Variants in NRG1 observed in about 807,000 individuals in gnomAD.
NRG1 encodes neuregulin 1.
In NRG1, 18 loss-of-function variants were observed where a neutral mutation model predicts 63.8. The ratio of observed to expected loss-of-function variants is 0.28; its 90% CI spans 0.19 to 0.42. The LOEUF is 0.42. NRG1 is among the 10% of genes least tolerant of loss of function. The pLI is 1.00. For missense variants in NRG1, 762 were observed against 814.7 expected (o/e 0.94, Z 0.79); for synonymous variants, 302 against 301.3 (o/e 1.00, Z -0.02).
chr8:32,252,045 TG>T (rs780849000), intron 1 of NRG1, among the ~76,000 whole-genome samples: 3 of 152,184 alleles, frequency 2.0e-5, no homozygotes, highest in Non-Finnish European at 4.4e-5. Context: ...TTGATGGGAT[TG>T]TTTTTTTCTT....
chr8:32,291,848 ATG>A (rs1374443481), intron 1 of NRG1, among the ~76,000 whole-genome samples: 1 of 152,132 alleles, frequency 6.6e-6, no homozygotes. Context: ...ACTGTTTGGC[ATG>A]TGACTTAAAA....
At chr8:31,766,813 G>T (rs1236390079) in intron 1 of NRG1, among the ~76,000 whole-genome samples, 1 of 151,954 alleles carries the variant, frequency 6.6e-6, no homozygotes, top group Non-Finnish European at 1.5e-5. Flanking sequence ...TTTAAAAAAG[G>T]CTACTGAGTA....
intron 1 of NRG1, among the ~76,000 whole-genome samples, chr8:31,823,766 C>A (rs1824235040): frequency 1.3e-5 from 2 of 152,160 alleles, no homozygotes; most frequent in Admixed American, 6.5e-5. Context: ...TTATTGCAAT[C>A]TGGGCAATTC....
At chr8:32,591,868 A>G (rs1050016239) in intron 1 of NRG1, among the ~76,000 whole-genome samples, 2 of 152,120 alleles carry the variant, frequency 1.3e-5, no homozygotes, top group Non-Finnish European at 2.9e-5. Context: ...CGATGAAATC[A>G]TCTGTGCAGC....
At chr8:32,353,772 A>G (rs1345114438) in intron 1 of NRG1, among the ~76,000 whole-genome samples, 1 of 152,164 alleles carries the variant, frequency 6.6e-6, no homozygotes, top group Non-Finnish European at 1.5e-5. Context: ...CTTCTTAACA[A>G]TTTAAATGTA....
chr8:32,716,205 T>C (rs1819179255), intron 5 of NRG1, among the ~76,000 whole-genome samples: 1 of 152,212 alleles, frequency 6.6e-6, no homozygotes, highest in African/African-American at 2.4e-5. Flanking sequence ...GAACTAGAAA[T>C]GCAAATTCCT....
At chr8:32,234,234 T>C (rs1045420735) in intron 1 of NRG1, among the ~76,000 whole-genome samples, 3 of 152,128 alleles carry the variant, frequency 2.0e-5, no homozygotes, top group African/African-American at 7.2e-5. Context: ...TAATCACAGG[T>C]ATTTACAGGC....
intron 1 of NRG1, among the ~76,000 whole-genome samples, chr8:32,580,752 G>A (rs969486522): frequency 2.6e-5 from 4 of 152,096 alleles, no homozygotes; most frequent in Admixed American, 6.6e-5. Context: ...GTGTAATGCA[G>A]TACTGAGAAT....
At chr8:32,649,209 G>A (rs571522091) in intron 5 of NRG1, among the ~76,000 whole-genome samples, 2 of 132,620 alleles carry the variant, frequency 1.5e-5, no homozygotes, top group East Asian at 4.3e-4. Context: ...CTGGCAGATT[G>A]CAGCGGCCCA....
At chr8:32,385,904 A>G (rs1489172272) in intron 1 of NRG1, among the ~76,000 whole-genome samples, 2 of 152,212 alleles carry the variant, frequency 1.3e-5, no homozygotes, top group East Asian at 3.8e-4. Context: ...CAGATAAGAG[A>G]ATCATTGAGT....
chr8:32,626,704 G>A (rs1416196111), intron 5 of NRG1, among the ~76,000 whole-genome samples: 1 of 150,984 alleles, frequency 6.6e-6, no homozygotes, highest in Non-Finnish European at 1.5e-5. Flanking sequence ...AAATAGAGAA[G>A]CCATTTGTGG....
At chr8:32,317,727 T>G (rs906088089) in intron 1 of NRG1, among the ~76,000 whole-genome samples, 2 of 152,156 alleles carry the variant, frequency 1.3e-5, no homozygotes, top group East Asian at 3.9e-4. Context: ...GATAAAAATA[T>G]CTCCCCACCC....
At chr8:31,958,043 C>CTAGATAGA (rs1201463539) in intron 1 of NRG1, among the ~76,000 whole-genome samples, 2 of 38,286 alleles carry the variant, frequency 5.2e-5, no homozygotes, top group African/African-American at 9.2e-5. Context: ...TCAGTAGAGA[C>CTAGATAGA]CAGATAGATA....
At chr8:31,830,907 CA>C (rs1371139277) in intron 1 of NRG1, among the ~76,000 whole-genome samples, 2 of 152,104 alleles carry the variant, frequency 1.3e-5, no homozygotes, top group East Asian at 3.9e-4. Flanking sequence ...CCAATACCAC[CA>C]TCCACTTTAC....
intron 1 of NRG1, among the ~76,000 whole-genome samples, chr8:32,270,715 A>G (rs1392708075): frequency 6.6e-6 from 1 of 152,188 alleles, no homozygotes; most frequent in East Asian, 1.9e-4. Flanking sequence ...GCTCATATGC[A>G]TCTCTTCCTC....
intron 1 of NRG1, among the ~76,000 whole-genome samples, chr8:31,944,303 A>G (rs1294723658): frequency 6.6e-6 from 1 of 152,190 alleles, no homozygotes; most frequent in Admixed American, 6.5e-5. Flanking sequence ...AGACAGCTTT[A>G]ACATTTTTGT....
At chr8:31,844,123 G>A (rs926879434) in intron 1 of NRG1, among the ~76,000 whole-genome samples, 1 of 152,182 alleles carries the variant, frequency 6.6e-6, no homozygotes, top group Non-Finnish European at 1.5e-5. Flanking sequence ...TTGTTACAGA[G>A]TTGGAAATGG....
downstream of NRG1, among the ~76,000 whole-genome samples, chr8:32,771,993 A>T (rs1831837931): frequency 1.6e-5 from 2 of 128,596 alleles, no homozygotes; most frequent in South Asian, 5.0e-4. Context: ...ATTGCACTCC[A>T]GCCTTGGTGA....
chr8:32,360,718 T>C (rs1325208548), intron 1 of NRG1, among the ~76,000 whole-genome samples: 1 of 152,220 alleles, frequency 6.6e-6, no homozygotes, highest in African/African-American at 2.4e-5. Flanking sequence ...CATTTTCCTC[T>C]GTTGAATTTC....
Sources: allele counts gnomAD v4.1 joint callset (sites outside exome capture counted in the v4.1 genomes callset), GRCh38; gene constraint gnomAD v4.1.1; transcripts MANE v1.5; gene names NCBI Gene and HGNC (gene_info 2026-07-23, HGNC 2026-07-21).